Variants in LRBA observed in about 807,000 individuals in gnomAD.
The protein encoded by LRBA is lipopolysaccharide-responsive and beige-like anchor protein.
In LRBA, 176 loss-of-function variants were observed where a neutral mutation model predicts 330.0. That is an observed-to-expected ratio of 0.53 (90% CI 0.47 to 0.60). The LOEUF (loss-of-function observed/expected upper bound fraction) is 0.60, where lower values mean the gene tolerates loss of function less well. Ranked by LOEUF, LRBA falls within the 20% of genes least tolerant of loss-of-function variation. The pLI is 0.00. For synonymous variants in LRBA, 1,230 were observed against 1,193.0 expected (o/e 1.03, Z -0.64); for missense variants, 3,259 against 3,444.8 (o/e 0.95, Z 1.35).
At chr4:150,512,832 A>G (rs1310839397) in intron 40 of LRBA, among the ~76,000 whole-genome samples, 1 of 152,216 alleles carries the variant, frequency 6.6e-6, no homozygotes, top group Non-Finnish European at 1.5e-5. Context: ...GGGAACAGGT[A>G]ATAAAAATAT....
rs115972147 is a variant in LRBA at position 150,534,939 on chromosome 4, A to G, written c.6331-43904T>C. On this transcript the variant is annotated intron_variant, in intron 40 of 56. Coordinates refer to ENST00000651943, the MANE Select transcript of LRBA (RefSeq NM_001364905.1). ...GTGCTGACAAAATCAGTGTGATAAAACTGTGATTAAACTGATGAGAGTACA... is the reference window on the plus strand; with the variant it reads ...GTGCTGACAAAATCAGTGTGATAAAGCTGTGATTAAACTGATGAGAGTACA... Among the ~76,000 whole-genome samples the G allele has an allele frequency of 1.1e-3, 162 of 152,330 alleles. 1 individual carries two copies. The highest frequency in any genetic ancestry group is 9.0e-4 in the Non-Finnish European group (61 of 68,030).
chr4:150,926,033 C>A (rs1262170255), intron 4 of LRBA, among the ~76,000 whole-genome samples: 1 of 152,114 alleles, frequency 6.6e-6, no homozygotes, highest in Non-Finnish European at 1.5e-5. Context: ...GGAAACCAAA[C>A]AGAACCCGAA....
rs566256899 is a variant in LRBA at position 150,589,070 on chromosome 4, C to G, written c.6194-886G>C. ...ACACACACACACACACACACACACA[C>G]ACAGAGAGAGAGAGATCGACGTAGA... On this transcript the variant is annotated intron_variant, in intron 39 of 56. Transcript: ENST00000651943. Among the ~76,000 whole-genome samples the G allele has an allele frequency of 2.1e-3, 313 of 146,420 alleles. 1 individual carries two copies. Among genetic ancestry groups the G allele is most frequent in the African/African-American group, 7.2e-3 (274 of 37,896 alleles).
chr4:150,600,179 A>G (rs1181857566), intron 37 of LRBA, among the ~76,000 whole-genome samples: 1 of 152,144 alleles, frequency 6.6e-6, no homozygotes, highest in African/African-American at 2.4e-5. Context: ...TAATTCAATA[A>G]AGATATACAG....
chr4:150,568,382 A>C (rs763999878), intron 40 of LRBA, among the ~76,000 whole-genome samples: 1 of 152,176 alleles, frequency 6.6e-6, no homozygotes, highest in Non-Finnish European at 1.5e-5. Context: ...TGCCAAGGGA[A>C]CTAGAATAAA....
At chr4:150,690,002 C>T (rs1040118321) in intron 36 of LRBA, among the ~76,000 whole-genome samples, 2 of 151,326 alleles carry the variant, frequency 1.3e-5, no homozygotes, top group Non-Finnish European at 3.0e-5. Flanking sequence ...TTATACAGAT[C>T]TTATAAAAAA....
At chr4:150,322,950 C>T (rs891478061) in intron 49 of LRBA, among the ~76,000 whole-genome samples, 37 of 149,434 alleles carry the variant, frequency 2.5e-4, no homozygotes, top group African/African-American at 6.7e-4. Context: ...ATGCACTTAA[C>T]GCAGCACGAG....
intron 36 of LRBA, among the ~76,000 whole-genome samples, chr4:150,706,447 T>C (rs2127016428): frequency 6.6e-6 from 1 of 151,544 alleles, no homozygotes; most frequent in East Asian, 1.9e-4. Context: ...TAAGATAAAT[T>C]CCAAATAAAT....
At chr4:150,458,392 G>A (rs960301809) in intron 44 of LRBA, among the ~76,000 whole-genome samples, 2 of 151,650 alleles carry the variant, frequency 1.3e-5, no homozygotes, top group African/African-American at 4.8e-5. Context: ...AAACTAACAT[G>A]CCACATTGAA....
At chr4:150,779,718 A>G (rs1011391533) in intron 34 of LRBA, among the ~76,000 whole-genome samples, 1 of 152,178 alleles carries the variant, frequency 6.6e-6, no homozygotes, top group African/African-American at 2.4e-5. Context: ...AACTTATATA[A>G]AATTCATTAG....
Position 150,553,157 on chromosome 4 carries a change from G to A in LRBA, c.6330+34891C>T, listed in dbSNP as rs551229964. Among the ~76,000 whole-genome samples, 8 of 152,228 alleles carry A rather than the reference G, an allele frequency of 5.3e-5. No homozygotes were observed. In the South Asian group the frequency reaches 1.2e-3, roughly 24 times the overall value. On this transcript the variant is annotated intron_variant, in intron 40 of 56. Transcript: ENST00000651943. Reference sequence around the variant, plus strand: ...CAGTCATAAAAAAGGATGAGTTCATGTCATTTGTAGGGACATGGATGAAGC... The same window carrying A: ...CAGTCATAAAAAAGGATGAGTTCATATCATTTGTAGGGACATGGATGAAGC...
chr4:150,474,277 G>A (rs556682236), intron 42 of LRBA, among the ~76,000 whole-genome samples: 3 of 152,046 alleles, frequency 2.0e-5, no homozygotes, highest in Non-Finnish European at 2.9e-5. Flanking sequence ...ACAATTGACC[G>A]CAAACTCAAG....
At chr4:150,877,534 C>T (rs373521865) in intron 17 of LRBA, among the ~76,000 whole-genome samples, 19 of 152,240 alleles carry the variant, frequency 1.2e-4, no homozygotes, top group African/African-American at 4.3e-4. Flanking sequence ...TATAAAACAA[C>T]GACTACGAGA....
At chr4:150,272,615 C>T (rs1330377790) in intron 56 of LRBA, among the ~76,000 whole-genome samples, 2 of 151,612 alleles carry the variant, frequency 1.3e-5, no homozygotes, top group East Asian at 1.9e-4. Flanking sequence ...TAGAGAAGAA[C>T]ATAAATGACC....
At chr4:150,476,725 T>G (rs1756753054) in intron 42 of LRBA, among the ~76,000 whole-genome samples, 1 of 152,176 alleles carries the variant, frequency 6.6e-6, no homozygotes, top group Admixed American at 6.5e-5. Flanking sequence ...AAACTTGCAG[T>G]GAAACAGAAA....
chr4:150,474,526 A>G (rs1358035149), intron 42 of LRBA, among the ~76,000 whole-genome samples: 1 of 152,160 alleles, frequency 6.6e-6, no homozygotes, highest in African/African-American at 2.4e-5. Flanking sequence ...CAATTTCTCC[A>G]AAAACGTCTA....
intron 33 of LRBA, among the ~76,000 whole-genome samples, chr4:150,805,580 G>GGAAAA (rs1742635821): frequency 8.6e-6 from 1 of 116,416 alleles, no homozygotes; most frequent in African/African-American, 4.1e-5. Context: ...GGAAAGGAAA[G>GGAAAA]GAAAGGAAAG....
chr4:150,268,808 A>AAAG (rs1272412137), intron 56 of LRBA, among the ~76,000 whole-genome samples: 4 of 152,184 alleles, frequency 2.6e-5, no homozygotes, highest in Non-Finnish European at 4.4e-5. Context: ...TCGATGAAAA[A>AAAG]AAGTTTTTCC....
chr4:150,409,561 A>G (rs1272193342), intron 47 of LRBA, among the ~76,000 whole-genome samples: 1 of 152,006 alleles, frequency 6.6e-6, no homozygotes, highest in African/African-American at 2.4e-5. Context: ...AATTTTTGAT[A>G]TCTAGTAAAG....
Sources: gnomAD v4.1 joint callset for allele counts (sites outside exome capture counted in the v4.1 genomes callset) on GRCh38, gnomAD v4.1.1 for gene constraint, MANE v1.5 for transcripts, NCBI Gene and HGNC (gene_info 2026-07-23, HGNC 2026-07-21) for gene names.